UBE2J2: variants seen among roughly 807,000 people sequenced by gnomAD.
The protein encoded by UBE2J2 is ubiquitin conjugating enzyme E2 J2, also known as ubiquitin-conjugating enzyme E2 J2.
UBE2J2 carries 5 observed loss-of-function variants against 28.6 expected under a neutral mutation model. The ratio of observed to expected loss-of-function variants is 0.17; its 90% confidence interval spans 0.09 to 0.37. UBE2J2 has a LOEUF of 0.37. Among genes scored for constraint, UBE2J2 ranks in the 10% least tolerant of loss-of-function variants. UBE2J2 has a pLI of 1.00. For synonymous variants in UBE2J2, 138 were observed against 139.7 expected, an observed-to-expected ratio of 0.99 and a Z score of 0.09; for missense variants, 226 against 338.9, an observed-to-expected ratio of 0.67 and a Z score of 2.62.
In UBE2J2 at chr1:1,254,316, G is replaced by C. The variant is rs1269343221; in HGVS notation, c.*887C>G. 6.6e-6 allele frequency: 1 copy of C among 152,296 alleles called. No individual in the cohort carries two copies. The highest frequency in any genetic ancestry group is 1.5e-5 in the Non-Finnish European group (1 of 68,074). 9.4% of individuals were successfully genotyped at this position (152,296 alleles called of 1,614,324 possible). On this transcript the variant is annotated 3_prime_UTR_variant, in exon 7 of 7. Coordinates refer to ENST00000349431, the MANE Select transcript of UBE2J2 (RefSeq NM_058167.3). ...TACCTACTGTGAAGGCCAGCGCAGG[G>C]GGCACGGGATGTGAGGGAGGCCCCC...
chr1:1,269,687 C>T (rs1307472995), intron 1 of UBE2J2, among the ~76,000 whole-genome samples: 2 of 152,152 alleles, frequency 1.3e-5, no homozygotes, highest in Non-Finnish European at 2.9e-5. Context: ...TGGTCTCGAA[C>T]TCCTGACCTC....
chr1:1,256,246 C>T (rs922754839), intron 5 of UBE2J2, 121 bp from the exon 6 acceptor site: 1 of 669,164 alleles, frequency 1.5e-6, no homozygotes. Context: ...ATTTAATAAG[C>T]ACACTCTTCA....
chr1:1,263,634 T>C (rs1639685346), intron 2 of UBE2J2: 2 of 406,374 alleles, frequency 4.9e-6, no homozygotes, highest in East Asian at 3.9e-5. Context: ...TAAAGTACCT[T>C]TGTTTCGACA....
chr1:1,269,051 T>G (rs544513258), intron 1 of UBE2J2, among the ~76,000 whole-genome samples: 1 of 152,106 alleles, frequency 6.6e-6, no homozygotes. Context: ...GGTGGCTCCA[T>G]TGGGACGTTC....
chr1:1,264,303 C>A (rs999829636), intron 2 of UBE2J2, among the ~76,000 whole-genome samples: 1 of 152,198 alleles, frequency 6.6e-6, no homozygotes, highest in Non-Finnish European at 1.5e-5. Flanking sequence ...TTCTGCTTTA[C>A]GTAAAGAAGT....
intron 2 of UBE2J2, chr1:1,266,133 A>G (rs1451792692): frequency 5.4e-6 from 7 of 1,303,720 alleles, no homozygotes; most frequent in Non-Finnish European, 7.1e-6. Context: ...TGTGATTTTC[A>G]ACACTGGGGG....
At chr1:1,264,618 A>G (rs993256087) in intron 2 of UBE2J2, among the ~76,000 whole-genome samples, 2 of 152,166 alleles carry the variant, frequency 1.3e-5, no homozygotes, top group Non-Finnish European at 2.9e-5. Flanking sequence ...CTAAAAATAC[A>G]AAAATTAGGC....
At position 1,254,350 on chromosome 1, in the gene UBE2J2, G is replaced by A. The variant is rs1337677780; in HGVS notation, c.*853C>T. The A allele has an allele frequency of 2.0e-5, 3 of 152,294 alleles. No homozygotes were observed. The highest frequency in any genetic ancestry group is 1.5e-5 in the Non-Finnish European group (1 of 68,070). The allele number at this position is 152,294 out of a possible 1,614,324, so 9.4% of individuals were successfully genotyped here. On this transcript the variant is annotated 3_prime_UTR_variant, in exon 7 of 7. Transcript: ENST00000349431. The stretch of plus-strand genomic sequence containing the variant: ...ATGTGAGGGAGGCCCCCGAGTGCAC[G>A]GGGCCTTCTGCAGGGACTCCGGTCC...
chr1:1,266,385 A>G (rs1639864466), intron 2 of UBE2J2: 1 of 255,548 alleles, frequency 3.9e-6, no homozygotes, highest in African/African-American at 2.3e-5. Flanking sequence ...TGAGATAAGG[A>G]GTTCGAGACC....
Position 1,256,117 on chromosome 1 carries a change from T to C in UBE2J2, c.423A>G (p.Gln141=). 3 of 1,611,574 alleles carry C rather than the reference T, an allele frequency of 1.9e-6. No homozygotes were observed. Among genetic ancestry groups the C allele is most frequent in the Non-Finnish European group, 2.5e-6 (3 of 1,178,116 alleles). The change falls in exon 6 of 7, where the codon CAA becomes CAG. Residue 141 remains glutamine, a synonymous_variant. Coordinates refer to ENST00000349431, the MANE Select transcript of UBE2J2 (RefSeq NM_058167.3). ...TAAATGCTAAACTCTGCACTGCCAGTTGTCTTTTCTAGGAAGGAAGGGAAG... is the reference window on the plus strand; with the variant it reads ...TAAATGCTAAACTCTGCACTGCCAGCTGTCTTTTCTAGGAAGGAAGGGAAG... The part of the protein sequence containing the change: ...SIETSDFTKR[Q]LAVQSLAFNL...
chr1:1,261,661 T>TC (rs1388871948), intron 3 of UBE2J2, among the ~76,000 whole-genome samples: 1 of 151,854 alleles, frequency 6.6e-6, no homozygotes, highest in Non-Finnish European at 1.5e-5. Context: ...GTTTTTTTTT[T>TC]TTTTTTTGAG....
In UBE2J2 at chr1:1,254,938, A is replaced by G. The variant is rs2101021636; in HGVS notation, c.*265T>C. 4.9e-6 allele frequency: 2 copies of G among 405,100 alleles called. 1 individual carries two copies. The highest frequency in any genetic ancestry group is 1.3e-3 in the Middle Eastern group (2 of 1,560). The allele number at this position is 405,100 out of a possible 1,614,324, so 25.1% of individuals were successfully genotyped here. A position where few individuals can be genotyped will look rare whatever the true frequency, so the allele number is the denominator to read the frequency against. On this transcript the variant is annotated 3_prime_UTR_variant, in exon 7 of 7. Coordinates refer to ENST00000349431, the MANE Select transcript of UBE2J2 (RefSeq NM_058167.3). ...CGGGTTTACTAAAACAGGTCCAAAG[A>G]CAACACGGAAGATAAGCTACAAATC... is the stretch of plus-strand genomic sequence containing the variant.
intron 2 of UBE2J2, among the ~76,000 whole-genome samples, chr1:1,265,603 T>TTTTGTGTG (rs777241235): frequency 8.3e-6 from 1 of 120,948 alleles, no homozygotes; most frequent in African/African-American, 3.2e-5. Context: ...TTTCTCTCCA[T>TTTTGTGTG]TGTGTGTGTG....
intron 3 of UBE2J2, among the ~76,000 whole-genome samples, chr1:1,258,862 G>A (rs1271157104): frequency 6.6e-6 from 1 of 152,244 alleles, no homozygotes; most frequent in Non-Finnish European, 1.5e-5. Context: ...CCCAGCCCGA[G>A]GCCCACACGC....
chr1:1,255,278 G>A lies in UBE2J2; in HGVS notation c.705C>T (p.Asn235=). ...CTGCAAACCCAACTATCACAAACAA[G>A]TTCGCCAGGGCGCCACCCAGGAGTC... ...HHGLLGGALA[N]LFVIVGFAAF... is the part of the protein sequence containing the mutation. Residue 235 remains asparagine, a synonymous_variant, in exon 7 of 7, where the codon AAC becomes AAT. Coordinates refer to ENST00000349431, the MANE Select transcript of UBE2J2 (RefSeq NM_058167.3). 6.2e-7 allele frequency: 1 copy of A among 1,613,480 alleles called. No homozygotes were observed. The highest frequency in any genetic ancestry group is 8.5e-7 in the Non-Finnish European group (1 of 1,179,844).
intron 1 of UBE2J2, among the ~76,000 whole-genome samples, chr1:1,269,019 C>A (rs1640016310): frequency 6.6e-6 from 1 of 152,186 alleles, no homozygotes; most frequent in Non-Finnish European, 1.5e-5. Flanking sequence ...CAGATCATAT[C>A]TTCTGTTAGG....
intron 5 of UBE2J2, 79 bp downstream of exon 5, chr1:1,256,913 G>T (rs1482263975): frequency 6.2e-5 from 56 of 904,918 alleles, no homozygotes; most frequent in Non-Finnish European, 8.3e-5. Flanking sequence ...AAAAAAAAAG[G>T]CAGCTGCAAC....
chr1:1,266,916 T>C (rs1639901748), intron 2 of UBE2J2, among the ~76,000 whole-genome samples: 1 of 152,158 alleles, frequency 6.6e-6, no homozygotes, highest in African/African-American at 2.4e-5. Flanking sequence ...GAGACAGAGT[T>C]TCGCTCTTGT....
intron 3 of UBE2J2, among the ~76,000 whole-genome samples, chr1:1,259,259 G>C (rs1414823132): frequency 6.6e-6 from 1 of 151,356 alleles, no homozygotes; most frequent in African/African-American, 2.4e-5. Context: ...ATCAGGACAC[G>C]TGTGTGTGCA....
Sources: gnomAD v4.1 joint callset for allele counts (sites outside exome capture counted in the v4.1 genomes callset) on GRCh38, gnomAD v4.1.1 for gene constraint, MANE v1.5 for transcripts, NCBI Gene and HGNC (gene_info 2026-07-23, HGNC 2026-07-21) for gene names.